SYT16: variants seen among roughly 807,000 people sequenced by gnomAD.
SYT16 encodes the protein synaptotagmin 16.
SYT16 carries 42 observed loss-of-function variants against 61.4 expected under a neutral mutation model. The observed-to-expected ratio is 0.68, with a 90% confidence interval of 0.53 to 0.89. The LOEUF (loss-of-function observed/expected upper bound fraction) is 0.89. SYT16 is among the 40% of genes least tolerant of loss of function. The probability of loss-of-function intolerance (pLI) is 0.00; values close to 1 mark genes in which losing one functional copy is unlikely to be tolerated. For missense variants in SYT16, 804 were observed against 807.3 expected (o/e 1.00, Z 0.05); for synonymous variants, 314 against 302.3 (o/e 1.04, Z -0.40).
intron 2 of SYT16, among the ~76,000 whole-genome samples, chr14:61,976,383 G>A (rs557393883): frequency 6.6e-6 from 1 of 152,320 alleles, no homozygotes; most frequent in South Asian, 2.1e-4. Context: ...GGGACCCTGT[G>A]TGGGGGCTTC....
At chr14:61,929,803 G>C (rs1167892306) in intron 1 of SYT16, among the ~76,000 whole-genome samples, 1 of 152,166 alleles carries the variant, frequency 6.6e-6, no homozygotes, top group Non-Finnish European at 1.5e-5. Flanking sequence ...ACTTTTGATG[G>C]CTTAAATATG....
At chr14:61,938,783 G>A (rs954465688) in intron 1 of SYT16, among the ~76,000 whole-genome samples, 2 of 152,186 alleles carry the variant, frequency 1.3e-5, no homozygotes, top group Non-Finnish European at 2.9e-5. Flanking sequence ...AGGGGACAGA[G>A]GGAGTGTGGA....
chr14:62,094,643 A>T (rs1486613320), intron 7 of SYT16, among the ~76,000 whole-genome samples: 1 of 152,086 alleles, frequency 6.6e-6, no homozygotes, highest in South Asian at 2.1e-4. Flanking sequence ...GTTCCAGTTC[A>T]GGTTAGTAAT....
At chr14:62,070,483 A>G (rs1330332456) in intron 4 of SYT16, among the ~76,000 whole-genome samples, 1 of 152,180 alleles carries the variant, frequency 6.6e-6, no homozygotes, top group East Asian at 1.9e-4. Context: ...TACATTTCAC[A>G]AAGGGGAGGG....
Position 61,995,908 on chromosome 14 carries a change from A to G in SYT16, c.-112A>G, listed in dbSNP as rs2052747737. The G allele has an allele frequency of 3.6e-6, 4 of 1,105,724 alleles. No homozygotes were observed. The highest frequency in any genetic ancestry group is 5.1e-6 in the Non-Finnish European group (4 of 789,260). The allele number at this position is 1,105,724 out of a possible 1,614,324, so 68.5% of individuals were successfully genotyped here. A position where few individuals can be genotyped will look rare whatever the true frequency, so the allele number is the denominator to read the frequency against. On this transcript the variant is annotated 5_prime_UTR_variant, in exon 3 of 8. Coordinates refer to ENST00000683842, the MANE Select transcript of SYT16 (RefSeq NM_001367656.1). Reference sequence around the variant, plus strand: ...TTTTGAGAGTGAAATATTCACAGCCATTAAGAGACCTCCAAATTAATTTCT... The same window carrying G: ...TTTTGAGAGTGAAATATTCACAGCCGTTAAGAGACCTCCAAATTAATTTCT...
intron 1 of SYT16, among the ~76,000 whole-genome samples, chr14:61,968,986 A>G (rs954426855): frequency 1.3e-5 from 2 of 152,158 alleles, no homozygotes; most frequent in Non-Finnish European, 2.9e-5. Flanking sequence ...TTGGCTTGCC[A>G]CTAGGTTGAT....
intron 1 of SYT16, among the ~76,000 whole-genome samples, chr14:61,932,122 C>T (rs1031409234): frequency 6.6e-6 from 1 of 152,192 alleles, no homozygotes; most frequent in Non-Finnish European, 1.5e-5. Flanking sequence ...GCACTGTGGC[C>T]ACCAGCCAGC....
intron 1 of SYT16, among the ~76,000 whole-genome samples, chr14:61,848,198 T>G (rs910811832): frequency 6.6e-6 from 1 of 152,212 alleles, no homozygotes; most frequent in African/African-American, 2.4e-5. Context: ...TCATTCTTCT[T>G]GGGAAAGCTT....
chr14:61,942,209 A>T (rs966768314), intron 1 of SYT16, among the ~76,000 whole-genome samples: 1 of 152,110 alleles, frequency 6.6e-6, no homozygotes, highest in Non-Finnish European at 1.5e-5. Context: ...ATCATTTCTT[A>T]TTTTATAATA....
intron 1 of SYT16, among the ~76,000 whole-genome samples, chr14:61,818,355 T>G (rs981222112): frequency 1.3e-5 from 2 of 152,046 alleles, no homozygotes; most frequent in Non-Finnish European, 2.9e-5. Context: ...TCCCCAAGCT[T>G]TTATCAGACT....
At chr14:62,059,157 C>T (rs533503454) in intron 3 of SYT16, among the ~76,000 whole-genome samples, 1 of 152,032 alleles carries the variant, frequency 6.6e-6, no homozygotes, top group East Asian at 1.9e-4. Context: ...ATAATCTGTA[C>T]AAAAAAACCC....
At chr14:61,916,297 A>G (rs2049118752) in intron 1 of SYT16, among the ~76,000 whole-genome samples, 3 of 152,144 alleles carry the variant, frequency 2.0e-5, no homozygotes, top group Admixed American at 1.3e-4. Flanking sequence ...ATAACTTTTT[A>G]TAAGGCTGCT....
At chr14:61,819,543 A>G (rs1164038284) in intron 1 of SYT16, among the ~76,000 whole-genome samples, 1 of 152,228 alleles carries the variant, frequency 6.6e-6, no homozygotes, top group Non-Finnish European at 1.5e-5. Context: ...TAGGAATATA[A>G]TAAGTCACAT....
intron 1 of SYT16, among the ~76,000 whole-genome samples, chr14:61,868,282 C>T (rs2047224119): frequency 6.6e-6 from 1 of 151,428 alleles, no homozygotes; most frequent in Non-Finnish European, 1.5e-5. Context: ...ATTGTTTTTT[C>T]CAAAGAAATA....
chr14:62,028,248 A>G (rs1019830149), intron 3 of SYT16, among the ~76,000 whole-genome samples: 16 of 152,198 alleles, frequency 1.1e-4, no homozygotes, highest in African/African-American at 3.9e-4. Context: ...TGCATTTACT[A>G]AGTTGTATTG....
At chr14:61,914,268 C>T (rs749915525) in intron 1 of SYT16, among the ~76,000 whole-genome samples, 9 of 152,156 alleles carry the variant, frequency 5.9e-5, no homozygotes, top group African/African-American at 9.7e-5. Flanking sequence ...AAAGCTTGGT[C>T]TCTGAAGTCC....
chr14:62,034,965 G>T (rs142086909), intron 3 of SYT16, among the ~76,000 whole-genome samples: 7 of 152,312 alleles, frequency 4.6e-5, no homozygotes, highest in Non-Finnish European at 1.0e-4. Context: ...TCTGAGGGTG[G>T]ATTTGACTGA....
At chr14:61,979,033 T>C (rs1036014079) in intron 2 of SYT16, among the ~76,000 whole-genome samples, 6 of 152,254 alleles carry the variant, frequency 3.9e-5, no homozygotes, top group African/African-American at 1.4e-4. Flanking sequence ...CCCATCTCTG[T>C]ATCTTTCAGG....
chr14:62,020,297 C>T (rs1216627258), intron 3 of SYT16, among the ~76,000 whole-genome samples: 2 of 152,148 alleles, frequency 1.3e-5, no homozygotes, highest in Non-Finnish European at 2.9e-5. Flanking sequence ...CATGCCACCT[C>T]ACTCAAGTTT....
Sources: allele counts gnomAD v4.1 joint callset (sites outside exome capture counted in the v4.1 genomes callset), GRCh38; gene constraint gnomAD v4.1.1; transcripts MANE v1.5; gene names NCBI Gene and HGNC (gene_info 2026-07-23, HGNC 2026-07-21).